The following ERI3 variants were observed in gnomAD, a reference collection of about 807,000 sequenced individuals.
ERI3 encodes ERI1 exoribonuclease 3.
ERI3 carries 18 observed loss-of-function variants against 44.4 expected under a neutral mutation model. The observed-to-expected ratio is 0.41, with a 90% confidence interval of 0.28 to 0.60. The LOEUF (loss-of-function observed/expected upper bound fraction) is 0.60, where lower values mean the gene tolerates loss of function less well. Ranked by LOEUF, ERI3 falls within the 20% of genes least tolerant of loss-of-function variation. The pLI, the probability that ERI3 is intolerant of heterozygous loss-of-function variation, is 0.36. For missense variants in ERI3, 294 were observed against 435.5 expected, an observed-to-expected ratio of 0.68 and a Z score of 2.89; for synonymous variants, 183 against 164.8, an observed-to-expected ratio of 1.11 and a Z score of -0.84.
chr1:44,319,576 T>G (rs1231822415), intron 4 of ERI3, 52 bp downstream of exon 4: 23 of 1,314,606 alleles, frequency 1.7e-5, no homozygotes, highest in Middle Eastern at 2.1e-4. Flanking sequence ...GCACCAAGGA[T>G]TCCAAAATTC....
intron 1 of ERI3, chr1:44,353,256 A>G (rs1032031665): frequency 1.0e-6 from 1 of 985,324 alleles, no homozygotes; most frequent in Non-Finnish European, 1.2e-6. Flanking sequence ...AAGGCTGACA[A>G]TATTCAGAAC....
rs1346440823 is a variant in ERI3, at chr1:44,322,426, G to A, written c.490-2682C>T. The stretch of plus-strand genomic sequence containing the variant: ...GGGGGGTAGGCCCCTGAAATTCCCA[G>A]GGTGCCTACACCCAAGGCTCAGGAC... On this transcript the variant is annotated intron_variant, in intron 3 of 8. Coordinates refer to ENST00000372257, the MANE Select transcript of ERI3 (RefSeq NM_024066.3). Among the ~76,000 whole-genome samples the A allele has an allele frequency of 1.3e-5, 2 of 150,392 alleles. 1 individual carries two copies. The highest frequency in any genetic ancestry group is 4.9e-5 in the African/African-American group (2 of 40,916).
chr1:44,264,951 G>C (rs1479993335), intron 7 of ERI3, among the ~76,000 whole-genome samples: 1 of 152,120 alleles, frequency 6.6e-6, no homozygotes, highest in Non-Finnish European at 1.5e-5. Flanking sequence ...TTCTTCCATG[G>C]AGCTGGTTCA....
intron 7 of ERI3, among the ~76,000 whole-genome samples, chr1:44,271,241 C>G (rs562599225): frequency 6.6e-6 from 1 of 152,334 alleles, no homozygotes; most frequent in South Asian, 2.1e-4. Flanking sequence ...ATACACATGG[C>G]TGGTCCACAT....
intron 4 of ERI3, among the ~76,000 whole-genome samples, chr1:44,313,705 G>A (rs968622643): frequency 1.3e-5 from 2 of 152,078 alleles, no homozygotes; most frequent in East Asian, 1.9e-4. Context: ...TCTGAGCCTT[G>A]ATATCCAGCA....
intron 7 of ERI3, among the ~76,000 whole-genome samples, chr1:44,265,390 C>A (rs1164833756): frequency 6.6e-6 from 1 of 152,182 alleles, no homozygotes; most frequent in Non-Finnish European, 1.5e-5. Context: ...GCTATTACAT[C>A]AGAAGTGGGG....
intron 7 of ERI3, among the ~76,000 whole-genome samples, chr1:44,257,928 AAC>A (rs559675006): frequency 1.4e-4 from 21 of 152,148 alleles, no homozygotes; most frequent in Non-Finnish European, 2.8e-4. Context: ...ATTTCCCCAA[AAC>A]AGTCTAAGTT....
chr1:44,251,284 A>G (rs1415871829), intron 7 of ERI3, among the ~76,000 whole-genome samples: 2 of 152,278 alleles, frequency 1.3e-5, no homozygotes, highest in African/African-American at 2.4e-5. Flanking sequence ...GAGTGGCCCA[A>G]GCGCATATAT....
intron 8 of ERI3, among the ~76,000 whole-genome samples, chr1:44,240,300 G>A (rs970324387): frequency 6.6e-5 from 10 of 152,138 alleles, no homozygotes; most frequent in African/African-American, 2.2e-4. Context: ...CTTTGGCCTG[G>A]TTCAGCCTGG....
intron 6 of ERI3, among the ~76,000 whole-genome samples, chr1:44,301,654 T>A (rs897382703): frequency 1.3e-5 from 2 of 152,202 alleles, no homozygotes; most frequent in South Asian, 2.1e-4. Flanking sequence ...CGATCCACTA[T>A]GCTGAACCCC....
Position 44,221,458 on chromosome 1 carries a change from G to C in ERI3, c.*100C>G. ...GGCAGCTGGGGACACTCTGGACACAGAGCTATGCCACTCTCCCTCTTCCCC... is the reference window on the plus strand; with the variant it reads ...GGCAGCTGGGGACACTCTGGACACACAGCTATGCCACTCTCCCTCTTCCCC... On this transcript the variant is annotated 3_prime_UTR_variant, in exon 9 of 9. Transcript: ENST00000372257. This position sits in a 1 kb window ranked among gnomAD's most constrained non-coding sequence, Gnocchi z 5.9. The C allele has an allele frequency of 2.0e-6, 2 of 1,006,170 alleles. No homozygotes were observed. Among genetic ancestry groups the C allele is most frequent in the South Asian group, 1.4e-5 (1 of 72,084 alleles). The allele number at this position is 1,006,170 out of a possible 1,614,324, so 62.3% of individuals were successfully genotyped here. A position where few individuals can be genotyped will look rare whatever the true frequency, so the allele number is the denominator to read the frequency against.
intron 2 of ERI3, among the ~76,000 whole-genome samples, chr1:44,343,261 A>C (rs1418953091): frequency 6.6e-6 from 1 of 152,174 alleles, no homozygotes; most frequent in Non-Finnish European, 1.5e-5. Flanking sequence ...GATATAAATC[A>C]ATAAAATTAA....
At position 44,221,721 on chromosome 1, in the gene ERI3, G is replaced by A. The variant is rs1171071684; in HGVS notation, c.932-81C>T. ...CAGGTGCTCTTACAAGGGTGGGGGT[G>A]GGAAGCAGGGTCAGATTCAGGAGAC... On this transcript the variant is annotated intron_variant, in intron 8 of 8. Transcript: ENST00000372257. The surrounding 1 kb of genome is among the most constrained non-coding windows in gnomAD (Gnocchi z 5.9). The A allele has an allele frequency of 8.7e-7, 1 of 1,143,718 alleles. No homozygotes were observed. Among genetic ancestry groups the A allele is most frequent in the Non-Finnish European group, 1.3e-6 (1 of 760,696 alleles). 70.8% of individuals were successfully genotyped at this position (1,143,718 alleles called of 1,614,324 possible).
rs141672278 is a variant in ERI3, at chr1:44,330,124, C to T, written c.489+8921G>A. Among the ~76,000 whole-genome samples the T allele has an allele frequency of 5.9e-5, 9 of 152,312 alleles. No homozygotes were observed. The East Asian group carries it at 1.5e-3, about 26-fold the overall frequency. Reference sequence around the variant, plus strand: ...CATTCCCATGGACTCTGGCTTATAACATCTATTTCTGTTTCTTCTTTTCCA... The same window carrying T: ...CATTCCCATGGACTCTGGCTTATAATATCTATTTCTGTTTCTTCTTTTCCA... On this transcript the variant is annotated intron_variant, in intron 3 of 8. Transcript: ENST00000372257.
chr1:44,238,147 T>C (rs1644348273), intron 8 of ERI3, among the ~76,000 whole-genome samples: 1 of 152,180 alleles, frequency 6.6e-6, no homozygotes, highest in Non-Finnish European at 1.5e-5. Context: ...CTGTGCACCA[T>C]GAAAAATCCA....
At chr1:44,294,415 A>G (rs1645569208) in intron 6 of ERI3, among the ~76,000 whole-genome samples, 1 of 152,220 alleles carries the variant, frequency 6.6e-6, no homozygotes. Flanking sequence ...TATGAAGCAT[A>G]CAAGTGCCAC....
At chr1:44,298,996 G>A (rs573054508) in intron 6 of ERI3, among the ~76,000 whole-genome samples, 7 of 152,182 alleles carry the variant, frequency 4.6e-5, no homozygotes, top group Non-Finnish European at 8.8e-5. Context: ...AAGTCAGAAC[G>A]GTGGTTAGCT....
intron 7 of ERI3, among the ~76,000 whole-genome samples, chr1:44,275,088 C>T (rs975187825): frequency 2.0e-5 from 3 of 152,156 alleles, no homozygotes; most frequent in Non-Finnish European, 4.4e-5. Context: ...AACTCTCCCC[C>T]TCTCCAAAAT....
intron 2 of ERI3, among the ~76,000 whole-genome samples, chr1:44,350,934 A>C (rs1646877136): frequency 6.6e-6 from 1 of 152,170 alleles, no homozygotes; most frequent in Non-Finnish European, 1.5e-5. Flanking sequence ...AGATAAAAAT[A>C]AAATGCTATC....
Sources: allele counts gnomAD v4.1 joint callset (sites outside exome capture counted in the v4.1 genomes callset), GRCh38; gene constraint gnomAD v4.1.1; non-coding constraint Gnocchi (gnomAD v3.1); transcripts MANE v1.5; gene names NCBI Gene and HGNC (gene_info 2026-07-23, HGNC 2026-07-21).